Variants in ZC3HAV1 observed in about 807,000 individuals in gnomAD.
ZC3HAV1 encodes zinc finger CCCH-type containing, antiviral 1.
In ZC3HAV1, 41 loss-of-function variants were observed where a neutral mutation model predicts 86.6. The observed-to-expected ratio is 0.47, with a 90% CI of 0.37 to 0.61. The LOEUF is 0.61. Among genes scored for constraint, ZC3HAV1 ranks in the 20% least tolerant of loss-of-function variants. ZC3HAV1 has a pLI of 0.00. For missense variants in ZC3HAV1, 964 were observed against 1,141.1 expected (o/e 0.84, Z 2.24); for synonymous variants, 421 against 432.1 (o/e 0.97, Z 0.32).
intron 2 of ZC3HAV1, among the ~76,000 whole-genome samples, chr7:139,087,442 AGAGACAGAGAGAGAGAGAGAGAGG>A (rs1817302519): frequency 2.7e-5 from 4 of 150,386 alleles, no homozygotes; most frequent in African/African-American, 7.3e-5. Context: ...AGAGGGAGAC[AGAGACAGAGAGAGAGAGAGAGAGG>A]GAGACAGAGA....
chr7:139,052,140 T>A (rs1024668271), intron 12 of ZC3HAV1, among the ~76,000 whole-genome samples: 4 of 151,826 alleles, frequency 2.6e-5, no homozygotes, highest in Non-Finnish European at 4.4e-5. Flanking sequence ...CATTTTATTG[T>A]TATTTTACTT....
At chr7:139,060,244 G>C (rs899929836) in intron 9 of ZC3HAV1, 2 of 985,050 alleles carry the variant, frequency 2.0e-6, no homozygotes, top group African/African-American at 3.5e-5. Flanking sequence ...ACAACCAAAA[G>C]AACCTAGTTA....
intron 3 of ZC3HAV1, among the ~76,000 whole-genome samples, chr7:139,082,223 C>T (rs555614336): frequency 2.6e-5 from 4 of 151,644 alleles, no homozygotes; most frequent in South Asian, 2.1e-4. Flanking sequence ...GAGCCGAGGT[C>T]GCACCACTGA....
At chr7:139,097,430 T>TATATATA (rs1563140687) in intron 1 of ZC3HAV1, among the ~76,000 whole-genome samples, 6 of 61,828 alleles carry the variant, frequency 9.7e-5, no homozygotes, top group African/African-American at 3.7e-4. Context: ...ATATATATAT[T>TATATATA]TTTTTTTTTT....
intron 12 of ZC3HAV1, among the ~76,000 whole-genome samples, chr7:139,048,995 G>A (rs926058436): frequency 2.6e-5 from 2 of 75,868 alleles, no homozygotes; most frequent in African/African-American, 5.0e-5. Flanking sequence ...ACATATATGT[G>A]CATATGGTGG....
chr7:139,044,874 C>T lies in ZC3HAV1; in HGVS notation c.*2720G>A, dbSNP rs917800434. 5 of 152,354 alleles carry T rather than the reference C, an allele frequency of 3.3e-5. No homozygotes were observed. Among genetic ancestry groups the T allele is most frequent in the Non-Finnish European group, 7.4e-5 (5 of 68,014 alleles). The allele number at this position is 152,354 out of a possible 1,614,324, so 9.4% of individuals were successfully genotyped here. A position where few individuals can be genotyped will look rare whatever the true frequency, so the allele number is the denominator to read the frequency against. On this transcript the variant is annotated 3_prime_UTR_variant, in exon 13 of 13. Coordinates refer to ENST00000242351, the MANE Select transcript of ZC3HAV1 (RefSeq NM_020119.4). ...ATCTTTATTTCAATAAAGGTTATTT[C>T]GTTCTTTCTCTTATATACAAATAAG...
chr7:139,086,775 T>G (rs1817283531), intron 2 of ZC3HAV1, among the ~76,000 whole-genome samples: 1 of 152,196 alleles, frequency 6.6e-6, no homozygotes, highest in Admixed American at 6.5e-5. Context: ...TCTCACAAGA[T>G]GTGATGGTTT....
chr7:139,058,322 T>C (rs1412319342), intron 9 of ZC3HAV1, among the ~76,000 whole-genome samples: 4 of 151,872 alleles, frequency 2.6e-5, no homozygotes, highest in Non-Finnish European at 5.9e-5. Context: ...GGTGTAGCGG[T>C]GTGCACCCAT....
At chr7:139,078,991 C>T in intron 4 of ZC3HAV1, 1 of 1,425,668 alleles carries the variant, frequency 7.0e-7, no homozygotes, top group Middle Eastern at 2.5e-4. Flanking sequence ...AACCAAAACC[C>T]TCTAACTCTC....
chr7:139,102,050 A>G (rs968592207), intron 1 of ZC3HAV1, among the ~76,000 whole-genome samples: 2 of 152,294 alleles, frequency 1.3e-5, no homozygotes, highest in South Asian at 2.1e-4. Flanking sequence ...CTCTAGGGAA[A>G]CTCATGTACA....
At chr7:139,087,926 G>A (rs1305954253) in intron 2 of ZC3HAV1, among the ~76,000 whole-genome samples, 2 of 151,048 alleles carry the variant, frequency 1.3e-5, no homozygotes. Flanking sequence ...CAGATACTTG[G>A]GGGGCTTAGG....
intron 2 of ZC3HAV1, among the ~76,000 whole-genome samples, chr7:139,085,696 T>G (rs1817253315): frequency 6.6e-6 from 1 of 152,172 alleles, no homozygotes. Context: ...TCTTTCCTTC[T>G]GATAAAATCC....
chr7:139,066,428 G>A (rs2130686003), intron 7 of ZC3HAV1, among the ~76,000 whole-genome samples: 1 of 152,294 alleles, frequency 6.6e-6, no homozygotes, highest in East Asian at 1.9e-4. Context: ...GCAGAAAGCA[G>A]TGTTCAAATA....
Position 139,079,491 on chromosome 7 carries a change from G to C in ZC3HAV1, c.1450C>G (p.Pro484Ala). ...TTACCGTTAACAAGTGCTACTCTTG[G>C]GTCAGCATCATCTGCGATTCTGCCA... ...ATGRIADDAD[P>A]RVALVNDSLS... The change falls in exon 4 of 13, where the codon CCA becomes GCA. Residue 484 changes from proline to alanine, a missense_variant. Coordinates refer to ENST00000242351, the MANE Select transcript of ZC3HAV1 (RefSeq NM_020119.4). 6.2e-7 allele frequency: 1 copy of C among 1,614,084 alleles called. No homozygotes were observed. The highest frequency in any genetic ancestry group is 1.1e-5 in the South Asian group (1 of 91,074).
rs539701678 is a variant in ZC3HAV1 at position 139,080,255 on chromosome 7, A to G, written c.698-12T>C. On this transcript the variant is annotated splice_polypyrimidine_tract_variant and intron_variant, in intron 3 of 12. Transcript: ENST00000242351. ...ATGTGAAGAAGGAGCTAAGGGGAAA[A>G]AAAGCCAAAATGAAACAAAATAATG... 37 of 1,613,890 alleles carry G rather than the reference A, an allele frequency of 2.3e-5. No individual in the cohort carries two copies. Among genetic ancestry groups the G allele is most frequent in the Non-Finnish European group, 3.1e-5 (36 of 1,180,000 alleles).
rs764883279 is a variant in ZC3HAV1, at chr7:139,061,117, G to A, written c.2015C>T (p.Ala672Val). ...SFQGMIQTNI[A>V]SKTQKDVIRR... ...GATGACATCCTTTTGAGTTTTGGAA[G>A]CTATGTTTGTCTGAATCATCCCTTT... The change falls in exon 9 of 13, where the codon GCT becomes GTT. Residue 672 changes from alanine (A) to valine (V), a missense_variant. Physicochemically the swap from Ala to Val is moderately conservative, Grantham distance 64. Transcript: ENST00000242351. 2 of 1,613,610 alleles carry A rather than the reference G, an allele frequency of 1.2e-6. No individual in the cohort carries two copies. The highest frequency in any genetic ancestry group is 2.2e-5 in the East Asian group (1 of 44,872).
chr7:139,064,944 T>A lies in ZC3HAV1; in HGVS notation c.1928A>T (p.Gln643Leu). The A allele has an allele frequency of 1.2e-6, 2 of 1,614,182 alleles. No individual in the cohort carries two copies. The highest frequency in any genetic ancestry group is 2.2e-5 in the South Asian group (2 of 91,076). The change falls in exon 8 of 13, where the codon CAA becomes CTA. Residue 643 changes from glutamine to leucine, a missense_variant. Physicochemically the swap from Gln to Leu is moderately radical, Grantham distance 113. Coordinates refer to ENST00000242351, the MANE Select transcript of ZC3HAV1 (RefSeq NM_020119.4). The stretch of plus-strand genomic sequence containing the variant: ...TGGCACAACTCCCCTCGGACAGGAT[T>A]GATAGAGAGACTCCAGGTATGAAGA... ...VDSSYLESLYQSCPRGVVPFQ... is the reference protein window; with the variant it reads ...VDSSYLESLYLSCPRGVVPFQ...
intron 1 of ZC3HAV1, among the ~76,000 whole-genome samples, chr7:139,101,210 C>A (rs1326952870): frequency 6.6e-6 from 1 of 151,864 alleles, no homozygotes; most frequent in Non-Finnish European, 1.5e-5. Context: ...CACCTCCCAG[C>A]CGCCTGCCTT....
chr7:139,060,669 C>T (rs1266697639), intron 9 of ZC3HAV1: 30 of 1,051,946 alleles, frequency 2.9e-5, no homozygotes, highest in Non-Finnish European at 3.5e-5. Flanking sequence ...AGTGAGACCC[C>T]CTCTAAAAAA....
Sources: allele counts gnomAD v4.1 joint callset (sites outside exome capture counted in the v4.1 genomes callset), GRCh38; gene constraint gnomAD v4.1.1; transcripts MANE v1.5; gene names NCBI Gene and HGNC (gene_info 2026-07-23, HGNC 2026-07-21).